The following KIAA1217 variants were observed in gnomAD, a reference collection of about 807,000 sequenced individuals.
The protein encoded by KIAA1217 is KIAA1217.
A neutral mutation model predicts 163.9 loss-of-function variants in KIAA1217; 88 were observed. That is an observed-to-expected ratio of 0.54 (90% CI 0.45 to 0.64). The LOEUF is 0.64. Ranked by LOEUF, KIAA1217 falls within the 30% of genes least tolerant of loss-of-function variation. The pLI is 0.00. For synonymous variants in KIAA1217, 903 were observed against 923.1 expected, an observed-to-expected ratio of 0.98 and a Z score of 0.39; for missense variants, 2,372 against 2,475.0, an observed-to-expected ratio of 0.96 and a Z score of 0.88.
chr10:24,220,071 G>A (rs1362826619), intron 2 of KIAA1217, among the ~76,000 whole-genome samples, 162 bp downstream of exon 2: 1 of 152,204 alleles, frequency 6.6e-6, no homozygotes, highest in Non-Finnish European at 1.5e-5. Flanking sequence ...AGGAAGCCGG[G>A]TGTAGAAAAC....
In KIAA1217 at chr10:24,257,263, G is replaced by A. The variant is rs112240506; in HGVS notation, c.354+37354G>A. On this transcript the variant is annotated intron_variant, in intron 2 of 20. Coordinates refer to ENST00000376454, the MANE Select transcript of KIAA1217 (RefSeq NM_019590.5). Reference sequence around the variant, plus strand: ...AAAAACTTTGGTGTATTGGGGGAATGGAAACAAAGATATTTACTAGAGAAG... The same window carrying A: ...AAAAACTTTGGTGTATTGGGGGAATAGAAACAAAGATATTTACTAGAGAAG... Among the ~76,000 whole-genome samples, 1,447 of 152,192 alleles carry A rather than the reference G, an allele frequency of 9.5e-3. 12 individuals are homozygous for A. The highest frequency in any genetic ancestry group is 0.017 in the Middle Eastern group (5 of 294).
intron 5 of KIAA1217, among the ~76,000 whole-genome samples, chr10:24,471,142 C>T (rs1006339593): frequency 3.9e-5 from 6 of 152,320 alleles, no homozygotes; most frequent in East Asian, 1.9e-4. Context: ...TCAACCTTCT[C>T]CTGGTGCCTC....
chr10:24,213,604 G>A (rs924253954), intron 1 of KIAA1217, among the ~76,000 whole-genome samples: 3 of 152,122 alleles, frequency 2.0e-5, no homozygotes, highest in Non-Finnish European at 4.4e-5. Flanking sequence ...CTCTATGAGG[G>A]CATTAAGTCT....
intron 1 of KIAA1217, among the ~76,000 whole-genome samples, chr10:23,827,376 C>G (rs1396534251): frequency 6.6e-6 from 1 of 152,170 alleles, no homozygotes; most frequent in East Asian, 1.9e-4. Context: ...CCATTGATTT[C>G]TTGCACCTGT....
chr10:24,220,935 T>G lies in KIAA1217; in HGVS notation c.354+1026T>G, dbSNP rs181885071. ...CACCATGCCTGGCTCATTTTTTATT[T>G]TTGGTAGTAGAGACGGGGTCTTTCT... On this transcript the variant is annotated intron_variant, in intron 2 of 20. Transcript: ENST00000376454. Among the ~76,000 whole-genome samples the G allele has an allele frequency of 1.1e-4, 17 of 152,060 alleles. No individual in the cohort carries two copies. The East Asian group carries it at 2.9e-3, about 26-fold the overall frequency.
intron 1 of KIAA1217, among the ~76,000 whole-genome samples, chr10:23,991,753 G>A (rs1194125880): frequency 6.6e-6 from 1 of 152,136 alleles, no homozygotes; most frequent in Non-Finnish European, 1.5e-5. Context: ...TGGCATTCTA[G>A]GGAAGGCGAT....
At chr10:24,086,395 A>G (rs1319951099) in intron 2 of KIAA1217, among the ~76,000 whole-genome samples, 2 of 152,244 alleles carry the variant, frequency 1.3e-5, no homozygotes, top group Non-Finnish European at 2.9e-5. Flanking sequence ...TTTTAATGTC[A>G]ACAAAGACAT....
At chr10:23,779,201 G>C (rs938743955) in intron 1 of KIAA1217, among the ~76,000 whole-genome samples, 3 of 152,166 alleles carry the variant, frequency 2.0e-5, no homozygotes, top group Admixed American at 6.5e-5. Flanking sequence ...TGGATCGCTA[G>C]AATTAGTAAA....
At chr10:24,461,418 A>G (rs954034532) in intron 5 of KIAA1217, among the ~76,000 whole-genome samples, 1 of 152,036 alleles carries the variant, frequency 6.6e-6, no homozygotes, top group African/African-American at 2.4e-5. Flanking sequence ...ACAGCTGCAT[A>G]ATCTTGGCTC....
chr10:24,021,043 T>C (rs1847710027), intron 2 of KIAA1217, among the ~76,000 whole-genome samples: 2 of 151,962 alleles, frequency 1.3e-5, no homozygotes, highest in Non-Finnish European at 2.9e-5. Context: ...TTAGCAATGA[T>C]GTCAACACAA....
chr10:24,266,080 C>CTT (rs879826505), intron 2 of KIAA1217, among the ~76,000 whole-genome samples: 4 of 141,094 alleles, frequency 2.8e-5, no homozygotes, highest in African/African-American at 2.6e-5. Flanking sequence ...AAAGGCTGAT[C>CTT]TTTTTTTTTT....
chr10:24,144,258 A>G (rs1589661812), intron 2 of KIAA1217, among the ~76,000 whole-genome samples: 2 of 152,214 alleles, frequency 1.3e-5, no homozygotes, highest in African/African-American at 4.8e-5. Context: ...CACAGTAGCA[A>G]TTCGGAAGCT....
At chr10:24,023,712 G>A (rs1230328800) in intron 2 of KIAA1217, among the ~76,000 whole-genome samples, 1 of 151,538 alleles carries the variant, frequency 6.6e-6, no homozygotes, top group Non-Finnish European at 1.5e-5. Flanking sequence ...AGTAACTTTA[G>A]TCATAATACA....
At chr10:24,026,619 G>T (rs186880789) in intron 2 of KIAA1217, among the ~76,000 whole-genome samples, 1 of 151,224 alleles carries the variant, frequency 6.6e-6, no homozygotes, top group East Asian at 1.9e-4. Flanking sequence ...TAATCTGTGT[G>T]ATTCTCCTTT....
intron 1 of KIAA1217, among the ~76,000 whole-genome samples, chr10:23,878,386 A>T (rs1399705279): frequency 6.6e-6 from 1 of 151,858 alleles, no homozygotes; most frequent in African/African-American, 2.4e-5. Context: ...CATTTAAATG[A>T]TTTTGTTTCC....
At chr10:24,115,682 T>G (rs2063024048) in intron 2 of KIAA1217, among the ~76,000 whole-genome samples, 1 of 152,214 alleles carries the variant, frequency 6.6e-6, no homozygotes, top group Non-Finnish European at 1.5e-5. Flanking sequence ...GCTCCTTGTT[T>G]AAGTTCTCTA....
At chr10:24,230,154 A>G (rs2071170110) in intron 2 of KIAA1217, among the ~76,000 whole-genome samples, 1 of 152,190 alleles carries the variant, frequency 6.6e-6, no homozygotes, top group Non-Finnish European at 1.5e-5. Context: ...TGTAAGGAGA[A>G]CGTATTATTT....
chr10:23,901,571 G>T (rs934860352), intron 1 of KIAA1217, among the ~76,000 whole-genome samples: 2 of 152,010 alleles, frequency 1.3e-5, no homozygotes, highest in African/African-American at 2.4e-5. Context: ...ATGTATTATG[G>T]AATCTTGTTT....
chr10:23,894,793 A>C (rs1187228541), intron 1 of KIAA1217, among the ~76,000 whole-genome samples: 2 of 150,954 alleles, frequency 1.3e-5, no homozygotes, highest in African/African-American at 4.9e-5. Context: ...CAAAACAGAG[A>C]TATAGATCAA....
Sources: gnomAD v4.1 joint callset for allele counts (sites outside exome capture counted in the v4.1 genomes callset) on GRCh38, gnomAD v4.1.1 for gene constraint, MANE v1.5 for transcripts, NCBI Gene and HGNC (gene_info 2026-07-23, HGNC 2026-07-21) for gene names.